The following KAT8 variants were observed in gnomAD, a reference collection of about 807,000 sequenced individuals.
The protein encoded by KAT8 is lysine acetyltransferase 8.
KAT8 carries 40 observed loss-of-function variants against 62.9 expected under a neutral mutation model. The ratio of observed to expected loss-of-function variants is 0.64; its 90% confidence interval spans 0.49 to 0.83. The LOEUF is 0.83. Ranked by LOEUF, KAT8 falls within the 40% of genes least tolerant of loss-of-function variation. KAT8 has a pLI of 0.00. For synonymous variants in KAT8, 278 were observed against 254.5 expected, an observed-to-expected ratio of 1.09 and a Z score of -0.88; for missense variants, 387 against 614.8, an observed-to-expected ratio of 0.63 and a Z score of 3.92.
intron 10 of KAT8, 80 bp from the exon 11 acceptor site, chr16:31,131,115 C>T: frequency 1.3e-6 from 2 of 1,582,618 alleles, no homozygotes; most frequent in African/African-American, 2.7e-5. Context: ...GTGAAACTGG[C>T]CTGAGCCCAG....
chr16:31,120,092 G>C, intron 1 of KAT8, 94 bp from the exon 2 acceptor site: 1 of 979,498 alleles, frequency 1.0e-6, no homozygotes, highest in East Asian at 2.4e-5. Context: ...TAGCTGATGT[G>C]TGGCCCTGAA....
chr16:31,118,946 C>T (rs1567433047), intron 1 of KAT8, among the ~76,000 whole-genome samples: 1 of 148,572 alleles, frequency 6.7e-6, no homozygotes, highest in Non-Finnish European at 1.5e-5. Flanking sequence ...TGCCGTGGCA[C>T]GATGACAGCT....
chr16:31,125,710 C>A (rs1215339589), intron 3 of KAT8: 1 of 151,424 alleles, frequency 6.6e-6, no homozygotes, highest in Admixed American at 6.6e-5. Flanking sequence ...GGAGGGGGTT[C>A]TGGGTAAAGC....
At chr16:31,125,222 G>A (rs1243432250) in intron 3 of KAT8, among the ~76,000 whole-genome samples, 10 of 151,372 alleles carry the variant, frequency 6.6e-5, no homozygotes, top group African/African-American at 1.5e-4. Context: ...TGTCTGTGCC[G>A]TGCTTGCCAC....
intron 10 of KAT8, 91 bp downstream of exon 10, chr16:31,130,991 G>C: frequency 6.5e-7 from 1 of 1,540,492 alleles, no homozygotes; most frequent in Admixed American, 2.0e-5. Flanking sequence ...GCTGTCACAT[G>C]ATCCCAAACC....
chr16:31,125,040 A>T (rs1276571505), intron 3 of KAT8, among the ~76,000 whole-genome samples: 1 of 152,010 alleles, frequency 6.6e-6, no homozygotes, highest in Non-Finnish European at 1.5e-5. Context: ...AAAACAAAAT[A>T]AATTAGCTGG....
At chr16:31,127,940 A>AG (rs2057545396) in intron 5 of KAT8, 110 bp from the exon 6 acceptor site, 3 of 761,328 alleles carry the variant, frequency 3.9e-6, no homozygotes, top group African/African-American at 1.7e-5. Flanking sequence ...TGAAGTGTTG[A>AG]GGGGGGAAAC....
At chr16:31,120,152 C>CATAA in intron 1 of KAT8, 34 bp from the exon 2 acceptor site, 2 of 1,588,524 alleles carry the variant, frequency 1.3e-6, no homozygotes, top group Non-Finnish European at 1.7e-6. Context: ...TCCAGCCTTA[C>CATAA]CTTCCTGATG....
chr16:31,123,020 T>G (rs2057508297), intron 3 of KAT8, among the ~76,000 whole-genome samples: 1 of 144,764 alleles, frequency 6.9e-6, no homozygotes, highest in Non-Finnish European at 1.5e-5. Context: ...CCATCTCTAC[T>G]AAAAATACAA....
intron 3 of KAT8, among the ~76,000 whole-genome samples, chr16:31,123,124 A>C (rs2057509336): frequency 6.6e-6 from 1 of 152,166 alleles, no homozygotes; most frequent in Admixed American, 6.5e-5. Context: ...TGGAGGTTGC[A>C]GTCAGCCAAG....
chr16:31,124,052 A>G (rs1323782140), intron 3 of KAT8: 3 of 152,260 alleles, frequency 2.0e-5, no homozygotes, highest in African/African-American at 7.2e-5. Flanking sequence ...ATAAATTGCA[A>G]CAATTAAGAA....
At chr16:31,127,126 C>T in intron 4 of KAT8, 38 bp downstream of exon 4, 1 of 1,613,960 alleles carries the variant, frequency 6.2e-7, no homozygotes, top group Non-Finnish European at 8.5e-7. Flanking sequence ...GGTCCCCCGT[C>T]TCCCCTTGCC....
intron 3 of KAT8, among the ~76,000 whole-genome samples, chr16:31,121,791 C>T (rs1403995057): frequency 6.6e-6 from 1 of 151,404 alleles, no homozygotes; most frequent in East Asian, 1.9e-4. Flanking sequence ...CTTACTCTAT[C>T]GTCTAGGCTG....
At chr16:31,123,407 G>A (rs1315983006) in intron 3 of KAT8, among the ~76,000 whole-genome samples, 4 of 151,806 alleles carry the variant, frequency 2.6e-5, no homozygotes, top group Non-Finnish European at 4.4e-5. Context: ...AGTAGAGATA[G>A]GGTTTCACTA....
chr16:31,124,221 C>G (rs79442611), intron 3 of KAT8, among the ~76,000 whole-genome samples: 2,230 of 152,342 alleles, frequency 0.015, 59 homozygotes, highest in African/African-American at 0.05. Flanking sequence ...GGGCCCATGC[C>G]CAACTCTGCT....
chr16:31,131,359 G>C lies in KAT8; in HGVS notation c.*100G>C. On this transcript the variant is annotated 3_prime_UTR_variant, in exon 11 of 11. Transcript: ENST00000219797. ...TTTTTTTAATAAAGTCAGTTCTGGT[G>C]GCCCTGGACTTTGGAGGGGAAGGGG... 3 of 1,403,672 alleles carry C rather than the reference G, an allele frequency of 2.1e-6. No homozygotes were observed. The highest frequency in any genetic ancestry group is 1.8e-4 in the Middle Eastern group (1 of 5,644). The allele number at this position is 1,403,672 out of a possible 1,614,324, so 87.0% of individuals were successfully genotyped here. A position where few individuals can be genotyped will look rare whatever the true frequency, so the allele number is the denominator to read the frequency against.
intron 3 of KAT8, among the ~76,000 whole-genome samples, chr16:31,125,167 G>T (rs2057523940): frequency 6.6e-6 from 1 of 151,936 alleles, no homozygotes; most frequent in Non-Finnish European, 1.5e-5. Context: ...ACTCCAGCCT[G>T]GGCGACAGAG....
rs1042957605 is a variant in KAT8 at position 31,130,270 on chromosome 16, A to G, written c.916A>G (p.Lys306Glu). Residue 306 changes from lysine (K) to glutamate (E), a missense_variant, in exon 8 of 11, where the codon AAG (lysine) becomes GAG (glutamate). Transcript: ENST00000219797. Reference protein sequence around the residue: ...AHIVGYFSKEKESPDGNNVAC... With the variant: ...AHIVGYFSKEEESPDGNNVAC... Reference sequence around the variant, plus strand: ...CCTGAGCACCTGCCTCCTGCAGGAGAAGGAGTCCCCGGATGGAAACAATGT... The same window carrying G: ...CCTGAGCACCTGCCTCCTGCAGGAGGAGGAGTCCCCGGATGGAAACAATGT... The G allele has an allele frequency of 1.9e-6, 3 of 1,614,028 alleles. No homozygotes were observed. The highest frequency in any genetic ancestry group is 1.1e-5 in the South Asian group (1 of 91,076).
chr16:31,131,381 G>C, downstream of KAT8: 1 of 1,123,684 alleles, frequency 8.9e-7, no homozygotes, highest in South Asian at 1.4e-5. Context: ...TGGAGGGGAA[G>C]GGGAGGCCAA....
Sources: gnomAD v4.1 joint callset for allele counts (sites outside exome capture counted in the v4.1 genomes callset) on GRCh38, gnomAD v4.1.1 for gene constraint, MANE v1.5 for transcripts, NCBI Gene and HGNC (gene_info 2026-07-23, HGNC 2026-07-21) for gene names.